The following SEL1L3 variants were observed in gnomAD, a reference collection of about 807,000 sequenced individuals.
SEL1L3 encodes protein sel-1 homolog 3.
A neutral mutation model predicts 142.8 loss-of-function variants in SEL1L3; 76 were observed. The ratio of observed to expected loss-of-function variants is 0.53; its 90% CI spans 0.44 to 0.64. The LOEUF is 0.64. SEL1L3 is among the 30% of genes least tolerant of loss of function. The probability of loss-of-function intolerance (pLI) is 0.00; values close to 1 mark genes in which losing one functional copy is unlikely to be tolerated. For synonymous variants in SEL1L3, 504 were observed against 519.6 expected, an observed-to-expected ratio of 0.97 and a Z score of 0.41; for missense variants, 1,262 against 1,381.7, an observed-to-expected ratio of 0.91 and a Z score of 1.37.
In SEL1L3 at chr4:25,788,249, T is replaced by C. The variant is rs746497396; in HGVS notation, c.2192A>G (p.Tyr731Cys). 5.0e-6 allele frequency: 8 copies of C among 1,613,910 alleles called. No homozygotes were observed. The highest frequency in any genetic ancestry group is 1.1e-5 in the South Asian group (1 of 91,084). ...ALETEDPALI[Y>C]DYAIVLFKGQ... ...CTTGAATAGCACAATGGCATAGTCA[T>C]AGATTAACGCAGGATCCTCCGTCTC... Residue 731 changes from tyrosine (Y) to cysteine (C), a missense_variant, in exon 13 of 24, where the codon TAT becomes TGT. Around this residue, in one of 3 missense-constraint regions of SEL1L3, gnomAD observed 435 missense variants for 559.2 expected, o/e 0.78. Transcript: ENST00000399878. This position sits in a 1 kb window ranked among gnomAD's most constrained non-coding sequence, Gnocchi z 5.3.
At chr4:25,804,300 T>A (rs550328297) in intron 10 of SEL1L3, among the ~76,000 whole-genome samples, 21 of 152,288 alleles carry the variant, frequency 1.4e-4, no homozygotes, top group African/African-American at 5.1e-4. Context: ...CACTGTTCCT[T>A]AGCTGGTACA....
the SEL1L3 span, chr4:25,719,351 A>T: frequency 1.3e-5 from 2 of 152,148 alleles, no homozygotes; most frequent in Non-Finnish European, 2.9e-5. Flanking sequence ...GTGGGTGATG[A>T]TACTTAGGGT....
At chr4:25,854,228 G>A (rs1222380731) in intron 1 of SEL1L3, among the ~76,000 whole-genome samples, 1 of 152,198 alleles carries the variant, frequency 6.6e-6, no homozygotes, top group Non-Finnish European at 1.5e-5. Flanking sequence ...AAAACAGGCA[G>A]CTGACTGGAC....
the SEL1L3 span, among the ~76,000 whole-genome samples, chr4:25,717,653 G>A: frequency 6.6e-6 from 1 of 152,126 alleles, no homozygotes; most frequent in Non-Finnish European, 1.5e-5. Flanking sequence ...GCGACAGAGC[G>A]AGACTCTGTC....
Position 25,788,898 on chromosome 4 carries a change from C to G in SEL1L3, c.2077-534G>C, listed in dbSNP as rs557354722. 2.6e-3 allele frequency among the ~76,000 whole-genome samples: 389 copies of G among 152,214 alleles called. 1 individual carries two copies. Among genetic ancestry groups the G allele is most frequent in the African/African-American group, 8.7e-3 (362 of 41,534 alleles). ...TATCTTTGTCCCTGTCTGTTAGCCC[C>G]CCAACCCAGCAGAGCTCAGCAGGTC... is the stretch of plus-strand genomic sequence containing the variant. On this transcript the variant is annotated intron_variant, in intron 12 of 23. Coordinates refer to ENST00000399878, the MANE Select transcript of SEL1L3 (RefSeq NM_015187.5). The surrounding 1 kb of genome is among the most constrained non-coding windows in gnomAD (Gnocchi z 5.3).
chr4:25,804,473 G>T, intron 10 of SEL1L3, 68 bp downstream of exon 10: 1 of 1,153,306 alleles, frequency 8.7e-7, no homozygotes, highest in Non-Finnish European at 1.3e-6. Context: ...TCTACCAGGG[G>T]CACGAGAGCA....
the SEL1L3 span, among the ~76,000 whole-genome samples, chr4:25,728,948 C>T: frequency 6.6e-6 from 1 of 151,708 alleles, no homozygotes. Flanking sequence ...CTTAGAAAAA[C>T]TCTTCACAAA....
chr4:25,758,811 G>T, intron 21 of SEL1L3, 130 bp downstream of exon 21: 1 of 1,020,554 alleles, frequency 9.8e-7, no homozygotes, highest in Non-Finnish European at 1.4e-6. Flanking sequence ...ACGGTGCCCT[G>T]CTTTTTGTTT....
intron 1 of SEL1L3, among the ~76,000 whole-genome samples, chr4:25,861,658 G>T (rs558222845): frequency 2.7e-4 from 37 of 139,104 alleles, no homozygotes; most frequent in Middle Eastern, 3.9e-3. Flanking sequence ...GGCATTCTGT[G>T]AATTTCCTAT....
chr4:25,724,999 T>C, the SEL1L3 span, among the ~76,000 whole-genome samples: 1 of 151,974 alleles, frequency 6.6e-6, no homozygotes, highest in Non-Finnish European at 1.5e-5. Flanking sequence ...GCAGTCAAGA[T>C]ATCTTCCCAG....
At chr4:25,749,231 A>G (rs1472711462) in intron 23 of SEL1L3, among the ~76,000 whole-genome samples, 1 of 152,116 alleles carries the variant, frequency 6.6e-6, no homozygotes, top group Non-Finnish European at 1.5e-5. Flanking sequence ...ATGATCTTGA[A>G]ACCCACTTTG....
intron 13 of SEL1L3, among the ~76,000 whole-genome samples, chr4:25,784,729 G>A (rs767067918): frequency 1.3e-5 from 2 of 152,214 alleles, no homozygotes; most frequent in Non-Finnish European, 2.9e-5. Context: ...GGATCTCCAG[G>A]GTGGAACATT....
At chr4:25,783,581 T>G (rs1457404488) in intron 14 of SEL1L3, among the ~76,000 whole-genome samples, 1 of 152,120 alleles carries the variant, frequency 6.6e-6, no homozygotes, top group Non-Finnish European at 1.5e-5. Flanking sequence ...CACACATGAG[T>G]GTGCACATGT....
intron 9 of SEL1L3, among the ~76,000 whole-genome samples, chr4:25,814,525 C>A (rs1305842443): frequency 1.3e-5 from 2 of 152,288 alleles, no homozygotes; most frequent in East Asian, 3.9e-4. Flanking sequence ...CTAATAAAGT[C>A]TATTAATCAA....
At chr4:25,839,289 G>A (rs775296679) in intron 2 of SEL1L3, among the ~76,000 whole-genome samples, 3 of 152,214 alleles carry the variant, frequency 2.0e-5, no homozygotes, top group Non-Finnish European at 4.4e-5. Flanking sequence ...TCCTAAGGAA[G>A]TCTGTGGAAC....
intron 2 of SEL1L3, among the ~76,000 whole-genome samples, chr4:25,838,182 T>A (rs1443424860): frequency 6.6e-6 from 1 of 152,228 alleles, no homozygotes; most frequent in East Asian, 1.9e-4. Context: ...AGCCAAAGAA[T>A]GACCTTTCTT....
intron 23 of SEL1L3, among the ~76,000 whole-genome samples, chr4:25,753,722 G>C (rs1223121007): frequency 6.6e-6 from 1 of 152,224 alleles, no homozygotes; most frequent in East Asian, 1.9e-4. Flanking sequence ...AGTGGCTTAT[G>C]CCTGTAGTCC....
At chr4:25,786,683 GC>G (rs1157669998) in intron 13 of SEL1L3, among the ~76,000 whole-genome samples, 2 of 152,180 alleles carry the variant, frequency 1.3e-5, no homozygotes, top group Non-Finnish European at 2.9e-5. Context: ...GCATCCATAT[GC>G]CCCTCCATCT....
chr4:25,716,821 T>C, the SEL1L3 span, among the ~76,000 whole-genome samples: 1 of 152,044 alleles, frequency 6.6e-6, no homozygotes, highest in Non-Finnish European at 1.5e-5. Flanking sequence ...TACAATGGAA[T>C]TAGAAACACT....
Sources: allele counts gnomAD v4.1 joint callset (sites outside exome capture counted in the v4.1 genomes callset), GRCh38; gene constraint gnomAD v4.1.1; regional missense constraint gnomAD v4.1.1; non-coding constraint Gnocchi (gnomAD v3.1); transcripts MANE v1.5; gene names NCBI Gene and HGNC (gene_info 2026-07-23, HGNC 2026-07-21).